HRG: variants seen among roughly 807,000 people sequenced by gnomAD.
HRG encodes the protein histidine rich glycoprotein.
A neutral mutation model predicts 29.5 loss-of-function variants in HRG; 26 were observed. The ratio of observed to expected loss-of-function variants is 0.88; its 90% CI spans 0.65 to 1.22. The LOEUF is 1.22. Ranked by LOEUF, HRG falls within the 50% of genes most tolerant of loss-of-function variation. The probability of loss-of-function intolerance (pLI) is 0.00; values close to 1 mark genes in which losing one functional copy is unlikely to be tolerated. For synonymous variants in HRG, 243 were observed against 240.4 expected, an observed-to-expected ratio of 1.01 and a Z score of -0.10; for missense variants, 671 against 654.5, an observed-to-expected ratio of 1.03 and a Z score of -0.28.
Position 186,677,243 on chromosome 3 carries a change from C to T in HRG, c.938C>T (p.Pro313Leu), listed in dbSNP as rs1719024283. ...ERDHSHGPPL[P>L]QGPPPLLPMS... Reference sequence around the variant, plus strand: ...GATCACTCACATGGACCCCCACTTCCACAAGGCCCTCCTCCACTATTGCCC... The same window carrying T: ...GATCACTCACATGGACCCCCACTTCTACAAGGCCCTCCTCCACTATTGCCC... The change falls in exon 7 of 7, where the codon CCA (proline) becomes CTA (leucine). Residue 313 changes from proline (P) to leucine (L), a missense_variant. Coordinates refer to ENST00000232003, the MANE Select transcript of HRG (RefSeq NM_000412.5). 2 of 1,614,138 alleles carry T rather than the reference C, an allele frequency of 1.2e-6. No homozygotes were observed. The highest frequency in any genetic ancestry group is 1.7e-6 in the Non-Finnish European group (2 of 1,180,024).
chr3:186,674,343 G>A (rs1165972725), intron 5 of HRG: 1 of 153,696 alleles, frequency 6.5e-6, no homozygotes, highest in African/African-American at 2.4e-5. Context: ...CCCACAACCT[G>A]TGAGTACATA....
chr3:186,671,771 C>A lies in HRG; in HGVS notation c.540C>A (p.Ile180=), dbSNP rs548102367. The change falls in exon 4 of 7, where the codon ATC becomes ATA. Residue 180 remains isoleucine, a synonymous_variant. Coordinates refer to ENST00000232003, the MANE Select transcript of HRG (RefSeq NM_000412.5). ...TTGCCTCTTTCAGAGTGGACCGAATCGAGAGAGTTGCAAGAGTGGTGAGTC... is the reference window on the plus strand; with the variant it reads ...TTGCCTCTTTCAGAGTGGACCGAATAGAGAGAGTTGCAAGAGTGGTGAGTC... The part of the protein sequence containing the change: ...DDFASFRVDR[I]ERVARVRGGE... 9.9e-6 allele frequency: 16 copies of A among 1,613,608 alleles called. No homozygotes were observed. The highest frequency in any genetic ancestry group is 1.4e-5 in the Non-Finnish European group (16 of 1,179,808).
At chr3:186,674,730 C>T in intron 5 of HRG, 1 of 349,026 alleles carries the variant, frequency 2.9e-6, no homozygotes, top group East Asian at 7.4e-5. Context: ...CTCTTTGACA[C>T]CATTCCTCAT....
intron 4 of HRG, among the ~76,000 whole-genome samples, chr3:186,672,443 T>G (rs562170199): frequency 6.6e-6 from 1 of 152,196 alleles, no homozygotes; most frequent in South Asian, 2.1e-4. Context: ...AACACTTAGA[T>G]CTCCCTGTGT....
rs568683045 is a variant in HRG, at chr3:186,678,126, C to G, written c.*243C>G. On this transcript the variant is annotated 3_prime_UTR_variant, in exon 7 of 7. Coordinates refer to ENST00000232003, the MANE Select transcript of HRG (RefSeq NM_000412.5). ...CACCACTACATCACTTGAGACAAAT[C>G]TATGCCACTCAGAATCTCCTTCTTT... 2.9e-5 allele frequency: 14 copies of G among 489,960 alleles called. No homozygotes were observed. The highest frequency in any genetic ancestry group is 5.1e-5 in the Non-Finnish European group (14 of 271,884). The allele number at this position is 489,960 out of a possible 1,614,324, so 30.4% of individuals were successfully genotyped here. A position where few individuals can be genotyped will look rare whatever the true frequency, so the allele number is the denominator to read the frequency against.
chr3:186,670,154 A>C, intron 3 of HRG, 126 bp downstream of exon 3: 1 of 699,254 alleles, frequency 1.4e-6, no homozygotes, highest in Non-Finnish European at 2.6e-6. Flanking sequence ...TATATCTATG[A>C]TGTACATGAA....
intron 1 of HRG, among the ~76,000 whole-genome samples, 197 bp downstream of exon 1, chr3:186,666,411 G>A (rs968950244): frequency 6.6e-6 from 1 of 152,106 alleles, no homozygotes; most frequent in Non-Finnish European, 1.5e-5. Flanking sequence ...ACTATGATTC[G>A]ATTTGTGGGT....
In HRG at chr3:186,677,765, A is replaced by T. The variant is rs879181102; in HGVS notation, c.1460A>T (p.His487Leu). 1.2e-6 allele frequency: 2 copies of T among 1,612,902 alleles called. No homozygotes were observed. Among genetic ancestry groups the T allele is most frequent in the East Asian group, 4.5e-5 (2 of 44,818 alleles). ...FPSFPLPHHK[H>L]PLKPDNQPFP... ...AGCTTCCCATTGCCGCACCACAAAC[A>T]TCCTCTAAAGCCAGACAATCAGCCC... Residue 487 changes from histidine (H) to leucine (L), a missense_variant, in exon 7 of 7, where the codon CAT becomes CTT. Physicochemically the swap from His to Leu is moderately conservative, Grantham distance 99. Transcript: ENST00000232003.
In HRG at chr3:186,678,012, A is replaced by G; in HGVS notation, c.*129A>G. 1 of 906,118 alleles carries G rather than the reference A, an allele frequency of 1.1e-6. No individual in the cohort carries two copies. Among genetic ancestry groups the G allele is most frequent in the East Asian group, 2.6e-5 (1 of 37,740 alleles). 56.1% of individuals were successfully genotyped at this position (906,118 alleles called of 1,614,324 possible). A position where few individuals can be genotyped will look rare whatever the true frequency, so the allele number is the denominator to read the frequency against. On this transcript the variant is annotated 3_prime_UTR_variant, in exon 7 of 7. Transcript: ENST00000232003. ...ATACTGAAGATGCAGCAAAATGTGA[A>G]TGGGAAAAGAGATGGCCTGAGAAGA...
At chr3:186,669,339 A>G (rs2108573892) in intron 2 of HRG, among the ~76,000 whole-genome samples, 1 of 152,308 alleles carries the variant, frequency 6.6e-6, no homozygotes, top group African/African-American at 2.4e-5. Context: ...TTTTGACTGT[A>G]AAATAAGAAG....
At chr3:186,675,327 G>GAGAGAGAGAGAGAC (rs1274087618) in intron 6 of HRG, 137 bp downstream of exon 6, 27 of 676,820 alleles carry the variant, frequency 4.0e-5, no homozygotes, top group South Asian at 2.1e-4. Context: ...GAGAGAGAGA[G>GAGAGAGAGAGAGAC]AGAGACAGAG....
rs779341446 is a variant in HRG, at chr3:186,666,194, G to A, written c.163G>A (p.Asp55Asn). ...CCTTTTCCAATTGCTGCGGATTGCTGATGCCCACTTGGACAGAGTGGTGAG... is the reference window on the plus strand; with the variant it reads ...CCTTTTCCAATTGCTGCGGATTGCTAATGCCCACTTGGACAGAGTGGTGAG... ...GYLFQLLRIA[D>N]AHLDRVENTT... Residue 55 changes from aspartate (D) to asparagine (N), a missense_variant, in exon 1 of 7, where the codon GAT becomes AAT. Coordinates refer to ENST00000232003, the MANE Select transcript of HRG (RefSeq NM_000412.5). The A allele has an allele frequency of 3.1e-6, 5 of 1,614,004 alleles. No individual in the cohort carries two copies. In the Admixed American group the frequency reaches 8.3e-5, roughly 27 times the overall value.
At chr3:186,672,589 C>A (rs1718836488) in intron 4 of HRG, among the ~76,000 whole-genome samples, 198 bp from the exon 5 acceptor site, 2 of 152,096 alleles carry the variant, frequency 1.3e-5, no homozygotes, top group African/African-American at 4.8e-5. Flanking sequence ...TTATTTGAAC[C>A]TTTTCAGTGA....
chr3:186,674,945 G>A (rs572429999), intron 5 of HRG, 144 bp from the exon 6 acceptor site: 1 of 730,240 alleles, frequency 1.4e-6, no homozygotes, highest in Non-Finnish European at 2.6e-6. Context: ...AAAGATTGCT[G>A]AACGACTGGT....
In HRG at chr3:186,668,683, T is replaced by G. The variant is rs1400216393; in HGVS notation, c.184-252T>G. 3 of 467,276 alleles carry G rather than the reference T, an allele frequency of 6.4e-6. No homozygotes were observed. In the East Asian group the frequency reaches 1.2e-4, roughly 19 times the overall value. 28.9% of individuals were successfully genotyped at this position (467,276 alleles called of 1,614,324 possible). On this transcript the variant is annotated intron_variant, in intron 1 of 6. Transcript: ENST00000232003. ...GATGATGCCTCCGCTAAACCACCAC[T>G]GCCGTTTAGTGATAGCTTCTTCAAG...
intron 1 of HRG, 44 bp downstream of exon 1, chr3:186,666,258 C>CG (rs1560037127): frequency 6.3e-7 from 1 of 1,595,984 alleles, no homozygotes; most frequent in Non-Finnish European, 8.6e-7. Context: ...AGATTACTCA[C>CG]GGGGGCAAAT....
At chr3:186,672,939 G>A in intron 5 of HRG, 72 bp downstream of exon 5, 1 of 967,442 alleles carries the variant, frequency 1.0e-6, no homozygotes, top group Admixed American at 1.7e-5. Context: ...AGGAGAAGGA[G>A]AAGGAGAAGG....
intron 3 of HRG, among the ~76,000 whole-genome samples, chr3:186,670,640 C>T (rs563660037): frequency 4.4e-4 from 67 of 150,732 alleles, no homozygotes; most frequent in African/African-American, 1.5e-3. Context: ...CTCCACCTCC[C>T]GGGTTCAAGC....
At position 186,666,016 on chromosome 3, in the gene HRG, G is replaced by C. The variant is rs1038705263; in HGVS notation, c.-16G>C. 47 of 1,613,666 alleles carry C rather than the reference G, an allele frequency of 2.9e-5. No individual in the cohort carries two copies. The highest frequency in any genetic ancestry group is 4.0e-5 in the Non-Finnish European group (47 of 1,179,552). ...TCTCTGCAGTGGCAGATCATAGCAAGGGATGGTTTAACAAAATGAAGGCAC... is the reference window on the plus strand; with the variant it reads ...TCTCTGCAGTGGCAGATCATAGCAACGGATGGTTTAACAAAATGAAGGCAC... On this transcript the variant is annotated 5_prime_UTR_variant, in exon 1 of 7. Transcript: ENST00000232003.
Sources: allele counts gnomAD v4.1 joint callset (sites outside exome capture counted in the v4.1 genomes callset), GRCh38; gene constraint gnomAD v4.1.1; transcripts MANE v1.5; gene names NCBI Gene and HGNC (gene_info 2026-07-23, HGNC 2026-07-21).